CPXM2: variants seen among roughly 807,000 people sequenced by gnomAD.
The protein encoded by CPXM2 is carboxypeptidase X, M14 family member 2.
In CPXM2, 66 loss-of-function variants were observed where a neutral mutation model predicts 86.1. That is an observed-to-expected ratio of 0.77 (90% CI 0.63 to 0.94). The LOEUF (loss-of-function observed/expected upper bound fraction) is 0.94, where lower values mean the gene tolerates loss of function less well. CPXM2 is among the 40% of genes least tolerant of loss of function. CPXM2 has a pLI of 0.00. For missense variants in CPXM2, 948 were observed against 1,026.3 expected, an observed-to-expected ratio of 0.92 and a Z score of 1.04; for synonymous variants, 388 against 400.2, an observed-to-expected ratio of 0.97 and a Z score of 0.36.
At chr10:123,765,923 T>C (rs1476782698) in intron 10 of CPXM2, among the ~76,000 whole-genome samples, 1 of 152,186 alleles carries the variant, frequency 6.6e-6, no homozygotes, top group Non-Finnish European at 1.5e-5. Context: ...CTTTTGTTGT[T>C]GTTGTTTGTT....
At chr10:123,906,682 C>T (rs1049950197) in intron 2 of CPXM2, among the ~76,000 whole-genome samples, 1 of 152,126 alleles carries the variant, frequency 6.6e-6, no homozygotes, top group African/African-American at 2.4e-5. Context: ...GCCCTGAAGA[C>T]CCCCAAACTT....
At chr10:123,897,990 A>G (rs961487633) in intron 2 of CPXM2, among the ~76,000 whole-genome samples, 2 of 152,160 alleles carry the variant, frequency 1.3e-5, no homozygotes, top group African/African-American at 2.4e-5. Flanking sequence ...CACACACTCT[A>G]TGAGGCCCCA....
At chr10:123,930,018 C>T (rs78767359) in intron 2 of CPXM2, among the ~76,000 whole-genome samples, 9,839 of 152,252 alleles carry the variant, frequency 0.065, 689 homozygotes, top group East Asian at 0.38. Flanking sequence ...CTGCCCAGCC[C>T]GTCCTGGGCC....
chr10:123,930,367 G>A (rs1344466848), intron 2 of CPXM2, among the ~76,000 whole-genome samples: 11 of 152,194 alleles, frequency 7.2e-5, no homozygotes, highest in East Asian at 5.8e-4. Context: ...AACATACTGG[G>A]GTGTGCTGCT....
At chr10:123,893,057 A>G (rs1239341613), upstream of CPXM2, among the ~76,000 whole-genome samples, 1 of 152,228 alleles carries the variant, frequency 6.6e-6, no homozygotes, top group Non-Finnish European at 1.5e-5. Flanking sequence ...TAGTCATCCT[A>G]TCTTGAGTGG....
At chr10:123,924,776 C>T (rs958036325) in intron 2 of CPXM2, among the ~76,000 whole-genome samples, 2 of 152,100 alleles carry the variant, frequency 1.3e-5, no homozygotes, top group Non-Finnish European at 2.9e-5. Context: ...TGAAGCTATT[C>T]GGGGGCCCAA....
intron 4 of CPXM2, among the ~76,000 whole-genome samples, chr10:123,809,497 T>A (rs1373138104): frequency 1.2e-4 from 19 of 152,136 alleles, no homozygotes; most frequent in Admixed American, 1.2e-3. Flanking sequence ...GTTTGTTATG[T>A]GCCAGGTCCC....
intron 2 of CPXM2, among the ~76,000 whole-genome samples, chr10:123,901,680 T>C (rs1337461291): frequency 6.6e-6 from 1 of 152,146 alleles, no homozygotes; most frequent in African/African-American, 2.4e-5. Flanking sequence ...TACAGTCAAG[T>C]GGCCATTTGC....
intron 7 of CPXM2, among the ~76,000 whole-genome samples, chr10:123,774,771 A>C (rs1485433599): frequency 6.6e-6 from 1 of 152,204 alleles, no homozygotes; most frequent in East Asian, 1.9e-4. Flanking sequence ...AGAATGCTAC[A>C]ACAGAAACCC....
rs1846614356 is a variant in CPXM2, at chr10:123,770,935, G to A, written c.1083C>T (p.His361=). ...TCTCACCGACTTCATGCTCCCCAGG[G>A]TGATCTGAGATCTCCACAGCATACA... ...LKLYAVEISD[H]PGEHEVGEPE... Residue 361 remains histidine (H), a synonymous_variant, in exon 8 of 14, where the codon CAC becomes CAT. Coordinates refer to ENST00000241305, the MANE Select transcript of CPXM2 (RefSeq NM_198148.3). 6.2e-7 allele frequency: 1 copy of A among 1,613,442 alleles called. No individual in the cohort carries two copies. The highest frequency in any genetic ancestry group is 1.7e-5 in the Admixed American group (1 of 59,922).
rs1236744111 is a variant in CPXM2 at position 123,757,229 on chromosome 10, A to T, written c.1901T>A (p.Ile634Asn). The change falls in exon 12 of 14, where the codon ATC becomes AAC. Residue 634 changes from isoleucine to asparagine, a missense_variant. Ile to Asn is a moderately radical substitution (Grantham distance 149). Coordinates refer to ENST00000241305, the MANE Select transcript of CPXM2 (RefSeq NM_198148.3). ...EEWENNRESLIVFMEQVHRGI... is the reference protein window; with the variant it reads ...EEWENNRESLNVFMEQVHRGI... ...GCAATATACCTGCTCCATGAACACG[A>T]TCAGAGATTCCCGGTTATTCTCCCA... The T allele has an allele frequency of 2.5e-6, 4 of 1,614,050 alleles. No individual in the cohort carries two copies. Among genetic ancestry groups the T allele is most frequent in the Middle Eastern group, 3.3e-4 (2 of 6,062 alleles).
At chr10:123,857,189 C>T (rs1485313894) in intron 3 of CPXM2, among the ~76,000 whole-genome samples, 1 of 151,534 alleles carries the variant, frequency 6.6e-6, no homozygotes, top group Admixed American at 6.6e-5. Flanking sequence ...TTTCTCTAAC[C>T]TTATATTATT....
At chr10:123,763,466 T>C (rs1409137442) in intron 10 of CPXM2, among the ~76,000 whole-genome samples, 3 of 152,088 alleles carry the variant, frequency 2.0e-5, no homozygotes, top group East Asian at 3.9e-4. Context: ...CTAAGTGATG[T>C]GATTCTCATT....
rs1361715734 is a variant in CPXM2, at chr10:123,935,971, T to C, written n.174+3506A>G. Among the ~76,000 whole-genome samples, 24 of 142,372 alleles carry C rather than the reference T, an allele frequency of 1.7e-4. 2 individuals carry two copies. The highest frequency in any genetic ancestry group is 4.3e-4 in the African/African-American group (15 of 34,604). 93.4% of individuals were successfully genotyped at this position (142,372 alleles called of 152,430 possible). ...ATCATCACCAGCATCTTTACCATCA[T>C]CACCATCATCACTACCACCACCATC... On this transcript the variant is annotated intron_variant and non_coding_transcript_variant, in intron 2 of 19. Coordinates refer to the CPXM2 transcript ENST00000368854.
Position 123,798,013 on chromosome 10 carries a change from G to C in CPXM2, c.852C>G (p.Ile284Met). 6.2e-7 allele frequency: 1 copy of C among 1,610,696 alleles called. No individual in the cohort carries two copies. The highest frequency in any genetic ancestry group is 1.1e-5 in the South Asian group (1 of 90,360). ...AGCCCAGGATCTCCATTCTCATGCA[G>C]ATGCTCCCATTATCAAACCAGGACT... is the stretch of plus-strand genomic sequence containing the variant. ...NPQSWFDNGS[I>M]CMRMEILGCP... Residue 284 changes from isoleucine to methionine, a missense_variant, in exon 6 of 14, where the codon ATC (isoleucine) becomes ATG (methionine). Physicochemically the swap from Ile to Met is conservative, Grantham distance 10. Coordinates refer to ENST00000241305, the MANE Select transcript of CPXM2 (RefSeq NM_198148.3).
At chr10:123,908,580 G>A (rs558827538) in intron 2 of CPXM2, among the ~76,000 whole-genome samples, 11 of 152,252 alleles carry the variant, frequency 7.2e-5, no homozygotes, top group African/African-American at 2.4e-4. Context: ...GGCTACCATG[G>A]AGGGCTCGGG....
At chr10:123,863,240 G>A (rs549836655) in intron 2 of CPXM2, among the ~76,000 whole-genome samples, 2 of 152,336 alleles carry the variant, frequency 1.3e-5, no homozygotes, top group South Asian at 2.1e-4. Flanking sequence ...CCCATTGTCC[G>A]TAAGAATGAC....
intron 1 of CPXM2, among the ~76,000 whole-genome samples, chr10:123,939,904 T>C (rs1201481238): frequency 1.3e-5 from 2 of 152,192 alleles, no homozygotes; most frequent in African/African-American, 4.8e-5. Flanking sequence ...CGAGACCACA[T>C]TGCTGAAGAG....
chr10:123,780,156 C>T lies in CPXM2; in HGVS notation c.978+11G>A. 1 of 1,556,286 alleles carries T rather than the reference C, an allele frequency of 6.4e-7. No homozygotes were observed. The highest frequency in any genetic ancestry group is 8.9e-7 in the Non-Finnish European group (1 of 1,127,364). On this transcript the variant is annotated intron_variant, in intron 7 of 13. Transcript: ENST00000241305. ...AATTCCTGGCATGAGGCTTTGTGAT[C>T]TGGGTCTTACCTGGCGCATTTCCTT...
Sources: gnomAD v4.1 joint callset for allele counts (sites outside exome capture counted in the v4.1 genomes callset) on GRCh38, gnomAD v4.1.1 for gene constraint, MANE v1.5 for transcripts, NCBI Gene and HGNC (gene_info 2026-07-23, HGNC 2026-07-21) for gene names.